The following PCCA variants were observed in gnomAD, a reference collection of about 807,000 sequenced individuals.
PCCA encodes the protein propionyl-CoA carboxylase alpha chain, mitochondrial.
Under a neutral mutation model 101.3 loss-of-function variants are expected in PCCA, and 74 were observed. That is an observed-to-expected ratio of 0.73 (90% confidence interval 0.61 to 0.89). The LOEUF (loss-of-function observed/expected upper bound fraction) is 0.89. Among genes scored for constraint, PCCA ranks in the 40% least tolerant of loss-of-function variants. PCCA has a pLI of 0.00. For missense variants in PCCA, 891 were observed against 907.0 expected (o/e 0.98, Z 0.23); for synonymous variants, 294 against 313.6 (o/e 0.94, Z 0.66).
At chr13:100,482,949 A>G (rs1331163581) in intron 21 of PCCA, among the ~76,000 whole-genome samples, 2 of 152,244 alleles carry the variant, frequency 1.3e-5, no homozygotes, top group African/African-American at 4.8e-5. Context: ...TATTCCTTAG[A>G]TACTACCATA....
At chr13:100,275,065 AG>A (rs1375231239) in intron 12 of PCCA, among the ~76,000 whole-genome samples, 3 of 8,676 alleles carry the variant, frequency 3.5e-4, no homozygotes, top group African/African-American at 1.4e-3. Flanking sequence ...GTGGGGGGGG[AG>A]GGGGTGTTGA....
intron 21 of PCCA, among the ~76,000 whole-genome samples, chr13:100,505,432 C>T (rs1473345498): frequency 6.6e-6 from 1 of 152,208 alleles, no homozygotes; most frequent in African/African-American, 2.4e-5. Flanking sequence ...AATCAACTTC[C>T]TTTCTTTGAT....
chr13:100,429,612 T>C (rs776295507), intron 20 of PCCA, among the ~76,000 whole-genome samples: 54 of 151,954 alleles, frequency 3.6e-4, no homozygotes, highest in Non-Finnish European at 6.8e-4. Flanking sequence ...ATAATATGTA[T>C]TATTATTATT....
chr13:100,393,449 C>T lies in PCCA; in HGVS notation c.1746+24875C>T, dbSNP rs150719503. ...TTTTTTTTTTTTTGAGATGGAGTCA[C>T]GCTCTGTCACCCAGGCTGGATTGCA... On this transcript the variant is annotated intron_variant, in intron 19 of 23. Transcript: ENST00000376285. 2.1e-3 allele frequency among the ~76,000 whole-genome samples: 280 copies of T among 134,952 alleles called. 1 individual carries two copies. The highest frequency in any genetic ancestry group is 7.6e-3 in the African/African-American group (269 of 35,292). 88.5% of individuals were successfully genotyped at this position (134,952 alleles called of 152,430 possible).
At chr13:100,149,306 C>G (rs1030809114) in intron 4 of PCCA, 1 of 150,350 alleles carries the variant, frequency 6.7e-6, no homozygotes, top group Non-Finnish European at 1.5e-5. Flanking sequence ...TGGTAAAATG[C>G]TTATAAGGAA....
chr13:100,307,306 A>G (rs1292714118), intron 15 of PCCA, 46 bp downstream of exon 15: 11 of 1,278,780 alleles, frequency 8.6e-6, no homozygotes, highest in African/African-American at 1.5e-5. Context: ...TCGAAAAATC[A>G]ATGATATTTA....
intron 4 of PCCA, among the ~76,000 whole-genome samples, chr13:100,153,434 ATAGG>A (rs1377374630): frequency 6.6e-6 from 1 of 152,224 alleles, no homozygotes; most frequent in African/African-American, 2.4e-5. Context: ...ATCTTCTATA[ATAGG>A]TGGTATCTGA....
intron 21 of PCCA, among the ~76,000 whole-genome samples, chr13:100,459,636 A>G (rs549025191): frequency 6.6e-6 from 1 of 152,328 alleles, no homozygotes; most frequent in South Asian, 2.1e-4. Context: ...CCAACTTTGA[A>G]GTCAGGCTGT....
At chr13:100,360,097 T>C (rs2074401803) in intron 18 of PCCA, among the ~76,000 whole-genome samples, 1 of 152,072 alleles carries the variant, frequency 6.6e-6, no homozygotes, top group Non-Finnish European at 1.5e-5. Context: ...GGCCTCAGAA[T>C]CATGGACGAG....
chr13:100,404,940 C>T (rs562489196), intron 19 of PCCA, among the ~76,000 whole-genome samples: 14 of 152,276 alleles, frequency 9.2e-5, no homozygotes, highest in South Asian at 4.1e-4. Context: ...CTCTGGATCC[C>T]TTACATCCAG....
At chr13:100,136,477 G>T (rs138339557) in intron 4 of PCCA, among the ~76,000 whole-genome samples, 1 of 152,164 alleles carries the variant, frequency 6.6e-6, no homozygotes, top group East Asian at 1.9e-4. Flanking sequence ...TGAGCCACGC[G>T]CCCGGCCTAT....
At chr13:100,342,032 A>G (rs1417931203) in intron 18 of PCCA, among the ~76,000 whole-genome samples, 2 of 130,746 alleles carry the variant, frequency 1.5e-5, no homozygotes, top group African/African-American at 5.7e-5. Context: ...TACATGTAGC[A>G]TTTATACTTT....
intron 12 of PCCA, among the ~76,000 whole-genome samples, chr13:100,298,401 A>G (rs1411817458): frequency 6.6e-6 from 1 of 152,126 alleles, no homozygotes; most frequent in African/African-American, 2.4e-5. Flanking sequence ...TGTTTCCCAA[A>G]TAGAAGTGAC....
chr13:100,157,657 G>C (rs1367321702), intron 6 of PCCA, among the ~76,000 whole-genome samples: 1 of 152,150 alleles, frequency 6.6e-6, no homozygotes, highest in Non-Finnish European at 1.5e-5. Flanking sequence ...AGTTTAGTGA[G>C]TTATTGTAGT....
chr13:100,287,452 G>A (rs2064765974), intron 12 of PCCA, among the ~76,000 whole-genome samples: 1 of 151,658 alleles, frequency 6.6e-6, no homozygotes, highest in Non-Finnish European at 1.5e-5. Context: ...TTCCCTTCCA[G>A]TGACATGGAA....
At position 100,146,893 on chromosome 13, in the gene PCCA, G is replaced by A. The variant is rs146155849; in HGVS notation, c.301-8086G>A. 4.3e-3 allele frequency among the ~76,000 whole-genome samples: 651 copies of A among 151,330 alleles called. 12 individuals carry two copies. Among genetic ancestry groups the A allele is most frequent in the African/African-American group, 0.014 (580 of 40,916 alleles). ...CATGTTTAGGGAAGCTTATTGCAGC[G>A]CACAATACCTGCAAATTGGAACCAT... is the stretch of plus-strand genomic sequence containing the variant. On this transcript the variant is annotated intron_variant, in intron 4 of 23. Transcript: ENST00000376285.
intron 12 of PCCA, chr13:100,293,245 G>T (rs1206491638): frequency 2.1e-6 from 1 of 471,384 alleles, no homozygotes; most frequent in Non-Finnish European, 4.4e-6. Context: ...CTTTTACCAT[G>T]GAAGGAAAGG....
chr13:100,454,109 C>A (rs965748541), intron 21 of PCCA, among the ~76,000 whole-genome samples: 1 of 151,882 alleles, frequency 6.6e-6, no homozygotes, highest in Non-Finnish European at 1.5e-5. Context: ...CTGACCTCAT[C>A]ATGATCCACC....
intron 19 of PCCA, among the ~76,000 whole-genome samples, chr13:100,382,186 T>C (rs1016356047): frequency 2.0e-5 from 3 of 152,042 alleles, no homozygotes; most frequent in Admixed American, 6.6e-5. Context: ...AATGCAGGAA[T>C]GATTTTATTG....
Sources: gnomAD v4.1 joint callset for allele counts (sites outside exome capture counted in the v4.1 genomes callset) on GRCh38, gnomAD v4.1.1 for gene constraint, MANE v1.5 for transcripts, NCBI Gene and HGNC (gene_info 2026-07-23, HGNC 2026-07-21) for gene names.